Variants in GNPTAB observed in about 807,000 individuals in gnomAD.
The protein encoded by GNPTAB is N-acetylglucosamine-1-phosphate transferase subunits alpha and beta.
In GNPTAB, 92 loss-of-function variants were observed where a neutral mutation model predicts 136.6. The ratio of observed to expected loss-of-function variants is 0.67; its 90% CI spans 0.57 to 0.80. GNPTAB has a LOEUF of 0.80. Ranked by LOEUF, GNPTAB falls within the 30% of genes least tolerant of loss-of-function variation. GNPTAB has a pLI of 0.00. For synonymous variants in GNPTAB, 512 were observed against 535.1 expected, an observed-to-expected ratio of 0.96 and a Z score of 0.60; for missense variants, 1,343 against 1,501.8, an observed-to-expected ratio of 0.89 and a Z score of 1.75.
rs1167323381 is a variant in GNPTAB, at chr12:101,746,622, AAG to A, written c.*540_*541del. 4 of 154,350 alleles carry A rather than the reference AAG, an allele frequency of 2.6e-5. No individual in the cohort carries two copies. Among genetic ancestry groups the A allele is most frequent in the Non-Finnish European group, 4.3e-5 (3 of 69,438 alleles). 9.6% of individuals were successfully genotyped at this position (154,350 alleles called of 1,614,324 possible). A position where few individuals can be genotyped will look rare whatever the true frequency, so the allele number is the denominator to read the frequency against. The stretch of plus-strand genomic sequence containing the variant: ...AACTCATAATTTAGGTATTGTCAAT[AAG>A]AGGTGATATTGCTGCATTATTTAAA... On this transcript the variant is annotated 3_prime_UTR_variant, in exon 21 of 21. Coordinates refer to ENST00000299314, the MANE Select transcript of GNPTAB (RefSeq NM_024312.5).
At chr12:101,753,210 G>A (rs529813981) in intron 19 of GNPTAB, among the ~76,000 whole-genome samples, 162 bp downstream of exon 19, 5 of 150,990 alleles carry the variant, frequency 3.3e-5, no homozygotes, top group South Asian at 2.1e-4. Context: ...CTGAGGTTGC[G>A]CCATTGCACT....
In GNPTAB at chr12:101,760,015, A is replaced by G. The variant is rs1182251456; in HGVS notation, c.3249+15T>C. The G allele has an allele frequency of 7.1e-7, 1 of 1,408,310 alleles. No individual in the cohort carries two copies. The highest frequency in any genetic ancestry group is 1.7e-5 in the Admixed American group (1 of 59,740). The allele number at this position is 1,408,310 out of a possible 1,614,324, so 87.2% of individuals were successfully genotyped here. On this transcript the variant is annotated intron_variant, in intron 16 of 20. Coordinates refer to ENST00000299314, the MANE Select transcript of GNPTAB (RefSeq NM_024312.5). ...GTACTTTCTGTTGTACATAAAAGTA[A>G]CCCATTCCACTTACCAGGTTGGGAT...
In GNPTAB at chr12:101,784,433, ATCC is replaced by A. The variant is rs373313584; in HGVS notation, c.571+1576_571+1578del. Among the ~76,000 whole-genome samples the A allele has an allele frequency of 3.6e-3, 545 of 152,318 alleles. 3 individuals are homozygous for A. The highest frequency in any genetic ancestry group is 0.013 in the African/African-American group (524 of 41,568). On this transcript the variant is annotated intron_variant, in intron 5 of 20. Transcript: ENST00000299314. The stretch of plus-strand genomic sequence containing the variant: ...ACAAAATCAAGGCAATTAGAGCTGA[ATCC>A]CAAACACCAGGAAGAGAAGTTTGTA...
At chr12:101,829,404 G>C (rs1308007361) in intron 1 of GNPTAB, among the ~76,000 whole-genome samples, 1 of 152,124 alleles carries the variant, frequency 6.6e-6, no homozygotes, top group Non-Finnish European at 1.5e-5. Flanking sequence ...AGAATTTCTT[G>C]AACCTGAGAG....
At position 101,765,128 on chromosome 12, in the gene GNPTAB, T is replaced by C. The variant is rs1953069041; in HGVS notation, c.1789A>G (p.Thr597Ala). Residue 597 changes from threonine to alanine, a missense_variant, in exon 13 of 21, where the codon ACC becomes GCC. By Grantham distance (58) the Thr-to-Ala change is moderately conservative (BLOSUM62 0). Transcript: ENST00000299314. ...RHASIANKWK[T>A]IHLIMHSGMN... ...CCACTGTGCATTATGAGGTGGATGG[T>C]TTTCCACTTGTTGGCAATAGAAGCA... 1.2e-6 allele frequency: 2 copies of C among 1,614,196 alleles called. No individual in the cohort carries two copies. The highest frequency in any genetic ancestry group is 8.5e-7 in the Non-Finnish European group (1 of 1,180,026).
Position 101,759,333 on chromosome 12 carries a change from G to A in GNPTAB, c.3249+697C>T, listed in dbSNP as rs1275565509. ...AGCCAAGATAGCGCCACTGCACTCC[G>A]GCCTGGGTGAAAGAGCGAGACTCCG... On this transcript the variant is annotated intron_variant, in intron 16 of 20. Coordinates refer to ENST00000299314, the MANE Select transcript of GNPTAB (RefSeq NM_024312.5). 1.6e-4 allele frequency among the ~76,000 whole-genome samples: 23 copies of A among 146,526 alleles called. 1 individual carries two copies. In the Middle Eastern group the frequency reaches 0.011, roughly 68 times the overall value.
chr12:101,826,676 A>G lies in GNPTAB; in HGVS notation c.117+3883T>C, dbSNP rs539909678. Among the ~76,000 whole-genome samples, 12 of 152,236 alleles carry G rather than the reference A, an allele frequency of 7.9e-5. 1 individual carries two copies. The South Asian group carries it at 2.5e-3, about 32-fold the overall frequency. ...AGTGTGAAGAATTGTGGACTTGTAT[A>G]TAAATGGTTCGATTAAATAATGATG... On this transcript the variant is annotated intron_variant, in intron 1 of 20. Coordinates refer to ENST00000299314, the MANE Select transcript of GNPTAB (RefSeq NM_024312.5).
chr12:101,793,849 T>C (rs1388721004), intron 2 of GNPTAB, among the ~76,000 whole-genome samples: 1 of 152,178 alleles, frequency 6.6e-6, no homozygotes, highest in African/African-American at 2.4e-5. Flanking sequence ...TATTTATTTA[T>C]TTACTTATTT....
At chr12:101,818,187 C>T (rs1321499158) in intron 1 of GNPTAB, among the ~76,000 whole-genome samples, 1 of 152,078 alleles carries the variant, frequency 6.6e-6, no homozygotes, top group Non-Finnish European at 1.5e-5. Context: ...ACAAAACAAA[C>T]AAAAACACTC....
chr12:101,791,770 T>C (rs1416981846), intron 2 of GNPTAB, among the ~76,000 whole-genome samples: 3 of 152,210 alleles, frequency 2.0e-5, no homozygotes, highest in Non-Finnish European at 2.9e-5. Flanking sequence ...TGCTATTTGG[T>C]AGCTAAATCT....
At chr12:101,813,432 G>C (rs992356502) in intron 1 of GNPTAB, among the ~76,000 whole-genome samples, 2 of 152,050 alleles carry the variant, frequency 1.3e-5, no homozygotes, top group African/African-American at 4.8e-5. Flanking sequence ...TACATTTAGG[G>C]ACATATATAA....
chr12:101,777,366 G>C (rs1375194068), intron 7 of GNPTAB, among the ~76,000 whole-genome samples: 1 of 152,142 alleles, frequency 6.6e-6, no homozygotes, highest in Non-Finnish European at 1.5e-5. Context: ...ATTCTTAACA[G>C]AGACGTTTCT....
chr12:101,791,879 A>G (rs963420229), intron 2 of GNPTAB, among the ~76,000 whole-genome samples: 3 of 152,228 alleles, frequency 2.0e-5, no homozygotes, highest in African/African-American at 7.2e-5. Flanking sequence ...TTCACTGAAT[A>G]ATTCTTATTG....
intron 2 of GNPTAB, chr12:101,796,075 C>T: frequency 5.1e-6 from 3 of 589,018 alleles, no homozygotes; most frequent in Non-Finnish European, 9.0e-6. Flanking sequence ...GCTATTTGCT[C>T]CTCCCTCATA....
At chr12:101,790,634 G>A (rs1259879138) in intron 2 of GNPTAB, among the ~76,000 whole-genome samples, 1 of 151,728 alleles carries the variant, frequency 6.6e-6, no homozygotes, top group Non-Finnish European at 1.5e-5. Context: ...GGGTATGGTG[G>A]TGTGCATCTG....
intron 2 of GNPTAB, among the ~76,000 whole-genome samples, chr12:101,792,861 C>G (rs912042768): frequency 6.6e-6 from 1 of 152,120 alleles, no homozygotes; most frequent in Admixed American, 6.5e-5. Context: ...GCTCTCTCTC[C>G]CTACTGTAAT....
chr12:101,771,833 C>G (rs1953181221), intron 7 of GNPTAB, among the ~76,000 whole-genome samples: 1 of 152,208 alleles, frequency 6.6e-6, no homozygotes, highest in African/African-American at 2.4e-5. Context: ...TGCAAGTACA[C>G]CTGCTGGCCA....
intron 1 of GNPTAB, among the ~76,000 whole-genome samples, chr12:101,808,734 G>T (rs994342594): frequency 6.6e-6 from 1 of 152,076 alleles, no homozygotes; most frequent in African/African-American, 2.4e-5. Context: ...ATCACCTGAG[G>T]TCGGGAGTTC....
At position 101,747,209 on chromosome 12, in the gene GNPTAB, T is replaced by C. The variant is rs2137095788; in HGVS notation, c.3726A>G (p.Arg1242=). Residue 1242 remains arginine (R), a synonymous_variant, in exon 21 of 21, where the codon AGA becomes AGG. Coordinates refer to ENST00000299314, the MANE Select transcript of GNPTAB (RefSeq NM_024312.5). ...LIALKRKIFP[R]RRIHKEASPN... ...GACTAGCTTCTTTGTGTATCCTCCTTCTGGGAAATATCTTCCGCTTAAGTG... is the reference window on the plus strand; with the variant it reads ...GACTAGCTTCTTTGTGTATCCTCCTCCTGGGAAATATCTTCCGCTTAAGTG... 6.3e-7 allele frequency: 1 copy of C among 1,597,580 alleles called. No individual in the cohort carries two copies. Among genetic ancestry groups the C allele is most frequent in the East Asian group, 2.2e-5 (1 of 44,778 alleles).
Sources: allele counts gnomAD v4.1 joint callset (sites outside exome capture counted in the v4.1 genomes callset), GRCh38; gene constraint gnomAD v4.1.1; transcripts MANE v1.5; gene names NCBI Gene and HGNC (gene_info 2026-07-23, HGNC 2026-07-21).